The following DPY19L3 variants were observed in gnomAD, a reference collection of about 807,000 sequenced individuals.
The protein encoded by DPY19L3 is dpy-19 like C-mannosyltransferase 3, also known as protein C-mannosyl-transferase DPY19L3.
DPY19L3 carries 51 observed loss-of-function variants against 92.3 expected under a neutral mutation model. The observed-to-expected ratio is 0.55, with a 90% CI of 0.44 to 0.70. The LOEUF is 0.70. DPY19L3 is among the 30% of genes least tolerant of loss of function. DPY19L3 has a pLI of 0.00. For missense variants in DPY19L3, 706 were observed against 855.9 expected (o/e 0.82, Z 2.18); for synonymous variants, 309 against 315.2 (o/e 0.98, Z 0.21).
At chr19:32,450,171 C>T (rs959078162) in intron 8 of DPY19L3, among the ~76,000 whole-genome samples, 1 of 152,094 alleles carries the variant, frequency 6.6e-6, no homozygotes, top group Non-Finnish European at 1.5e-5. Context: ...AAATGCAAAT[C>T]AAAACCACAA....
At position 32,483,641 on chromosome 19, in the gene DPY19L3, CTT is replaced by C. The variant is rs1970730487; in HGVS notation, c.*1404_*1405del. Reference sequence around the variant, plus strand: ...ACTTATAAAGCAGCATTCAAAAAGTCTTTTACACTGTCATGTTGGACACAAGC... The same window carrying C: ...ACTTATAAAGCAGCATTCAAAAAGTCTTACACTGTCATGTTGGACACAAGC... On this transcript the variant is annotated 3_prime_UTR_variant, in exon 19 of 19. Coordinates refer to ENST00000392250, the MANE Select transcript of DPY19L3 (RefSeq NM_001172774.2). The C allele has an allele frequency of 6.6e-6, 1 of 152,120 alleles. No homozygotes were observed. Among genetic ancestry groups the C allele is most frequent in the Non-Finnish European group, 1.5e-5 (1 of 68,008 alleles). The allele number at this position is 152,120 out of a possible 1,614,324, so 9.4% of individuals were successfully genotyped here. A position where few individuals can be genotyped will look rare whatever the true frequency, so the allele number is the denominator to read the frequency against.
chr19:32,412,362 A>G (rs1968214200), intron 3 of DPY19L3: 1 of 93,782 alleles, frequency 1.1e-5, no homozygotes, highest in Non-Finnish European at 2.1e-5. Flanking sequence ...GTTTTGTGAA[A>G]CTTTTAATTT....
At chr19:32,477,233 A>T (rs1970538104) in intron 16 of DPY19L3, among the ~76,000 whole-genome samples, 1 of 152,124 alleles carries the variant, frequency 6.6e-6, no homozygotes, top group African/African-American at 2.4e-5. Flanking sequence ...CCCCACCGTT[A>T]TTCTGGTGAA....
At chr19:32,414,147 G>A (rs761564931) in intron 3 of DPY19L3, among the ~76,000 whole-genome samples, 17 of 152,098 alleles carry the variant, frequency 1.1e-4, no homozygotes, top group African/African-American at 1.7e-4. Flanking sequence ...AGGGCCGGGC[G>A]CAGTGGCTCA....
chr19:32,425,386 A>G (rs931452107), intron 3 of DPY19L3, among the ~76,000 whole-genome samples: 1 of 152,072 alleles, frequency 6.6e-6, no homozygotes, highest in South Asian at 2.1e-4. Flanking sequence ...CCCTGTATCT[A>G]TTAAAAATAC....
intron 16 of DPY19L3, among the ~76,000 whole-genome samples, chr19:32,473,452 A>G (rs1970413866): frequency 6.6e-6 from 1 of 152,260 alleles, no homozygotes; most frequent in Non-Finnish European, 1.5e-5. Flanking sequence ...GTGTCTGTGA[A>G]GGAAGAGCAC....
At position 32,425,629 on chromosome 19, in the gene DPY19L3, T is replaced by G. The variant is rs779729794; in HGVS notation, c.238-7087T>G. Among the ~76,000 whole-genome samples the G allele has an allele frequency of 7.7e-4, 118 of 152,298 alleles. 2 individuals carry two copies. The highest frequency in any genetic ancestry group is 1.0e-3 in the Admixed American group (16 of 15,298). On this transcript the variant is annotated intron_variant, in intron 3 of 18. Transcript: ENST00000392250. ...CATGGGCTGTAGAATAGATTTTGTG[T>G]TAGCAGGCATGAAAATAACACAGAT...
intron 3 of DPY19L3, among the ~76,000 whole-genome samples, chr19:32,416,790 GT>G (rs1968392987): frequency 6.6e-6 from 1 of 152,176 alleles, no homozygotes; most frequent in Non-Finnish European, 1.5e-5. Flanking sequence ...CTGGTGTCTA[GT>G]TTTTATTGAG....
intron 3 of DPY19L3, 125 bp downstream of exon 3, chr19:32,411,497 T>C (rs774606423): frequency 5.2e-5 from 45 of 871,100 alleles, no homozygotes; most frequent in South Asian, 1.7e-4. Flanking sequence ...AAGGTTGGAC[T>C]ATAGAGTGAA....
At chr19:32,416,796 A>G (rs1333799026) in intron 3 of DPY19L3, among the ~76,000 whole-genome samples, 1 of 152,158 alleles carries the variant, frequency 6.6e-6, no homozygotes, top group Non-Finnish European at 1.5e-5. Context: ...TCTAGTTTTT[A>G]TTGAGGTTTC....
At chr19:32,481,537 C>A (rs368478984) in intron 18 of DPY19L3, 1 of 152,274 alleles carries the variant, frequency 6.6e-6, no homozygotes, top group Non-Finnish European at 1.5e-5. Context: ...ACTTCAGCCT[C>A]CCAAGTAGCT....
chr19:32,445,075 C>CAAAAAAAA (rs771623749), intron 8 of DPY19L3, among the ~76,000 whole-genome samples: 1 of 54,606 alleles, frequency 1.8e-5, no homozygotes, highest in African/African-American at 6.3e-5. Flanking sequence ...GACCCAGTCT[C>CAAAAAAAA]AAAAAAAAAA....
intron 4 of DPY19L3, among the ~76,000 whole-genome samples, chr19:32,435,166 A>C (rs1397063351): frequency 6.6e-6 from 1 of 152,188 alleles, no homozygotes; most frequent in Non-Finnish European, 1.5e-5. Flanking sequence ...AAATGCAGAG[A>C]GAGCACAAGG....
chr19:32,422,218 G>A (rs1265876282), intron 3 of DPY19L3, among the ~76,000 whole-genome samples: 2 of 152,174 alleles, frequency 1.3e-5, no homozygotes, highest in African/African-American at 2.4e-5. Context: ...ATTTTACAGT[G>A]GAGATGTGGA....
chr19:32,450,245 T>C (rs1289343995), intron 8 of DPY19L3, among the ~76,000 whole-genome samples: 4 of 152,142 alleles, frequency 2.6e-5, no homozygotes, highest in African/African-American at 9.7e-5. Flanking sequence ...ATGTCGCGGA[T>C]GTGAAGAAAT....
In DPY19L3 at chr19:32,437,354, G is replaced by T; in HGVS notation, c.596+15G>T. 1 of 1,586,980 alleles carries T rather than the reference G, an allele frequency of 6.3e-7. No individual in the cohort carries two copies. Among genetic ancestry groups the T allele is most frequent in the East Asian group, 2.2e-5 (1 of 44,524 alleles). On this transcript the variant is annotated intron_variant, in intron 6 of 18. Transcript: ENST00000392250. ...GTCACAAATAGGTGAGTTGGAGTCA[G>T]TATGCTTCTTTTTTTTCCAAAATGT...
At chr19:32,477,722 G>A in intron 17 of DPY19L3, 68 bp downstream of exon 17, 1 of 1,592,712 alleles carries the variant, frequency 6.3e-7, no homozygotes, top group Admixed American at 1.7e-5. Flanking sequence ...CCTATGTGTG[G>A]TAAAGATGGG....
At chr19:32,422,629 A>AAAACAC (rs1555717072) in intron 3 of DPY19L3, among the ~76,000 whole-genome samples, 1 of 146,722 alleles carries the variant, frequency 6.8e-6, no homozygotes, top group African/African-American at 2.5e-5. Flanking sequence ...AATCAGGAAA[A>AAAACAC]ACACACACAC....
rs1723316708 is a variant in DPY19L3, at chr19:32,405,832, G to C, written c.-115G>C. 1 of 152,224 alleles carries C rather than the reference G, an allele frequency of 6.6e-6. No homozygotes were observed. The highest frequency in any genetic ancestry group is 1.5e-5 in the Non-Finnish European group (1 of 68,124). 9.4% of individuals were successfully genotyped at this position (152,224 alleles called of 1,614,324 possible). A position where few individuals can be genotyped will look rare whatever the true frequency, so the allele number is the denominator to read the frequency against. ...TACCCGCGGCGCGCTGCGGCCCGTG[G>C]CGCGGCCCCGTTCCCGCCTAGCCCC... On this transcript the variant is annotated 5_prime_UTR_variant, in exon 1 of 19. Transcript: ENST00000392250.
Sources: gnomAD v4.1 joint callset for allele counts (sites outside exome capture counted in the v4.1 genomes callset) on GRCh38, gnomAD v4.1.1 for gene constraint, MANE v1.5 for transcripts, NCBI Gene and HGNC (gene_info 2026-07-23, HGNC 2026-07-21) for gene names.